The following GPR19 variants were observed in gnomAD, a reference collection of about 807,000 sequenced individuals.
The protein encoded by GPR19 is G protein-coupled receptor 19.
In GPR19, 14 loss-of-function variants were observed where a neutral mutation model predicts 28.5. The observed-to-expected ratio is 0.49, with a 90% CI of 0.32 to 0.77. The LOEUF is 0.77. Ranked by LOEUF, GPR19 falls within the 30% of genes least tolerant of loss-of-function variation. GPR19 has a pLI of 0.03. For synonymous variants in GPR19, 173 were observed against 184.1 expected, an observed-to-expected ratio of 0.94 and a Z score of 0.49; for missense variants, 409 against 504.1, an observed-to-expected ratio of 0.81 and a Z score of 1.81.
At chr12:12,682,066 T>G (rs1946030944) in intron 3 of GPR19, among the ~76,000 whole-genome samples, 1 of 151,932 alleles carries the variant, frequency 6.6e-6, no homozygotes, top group African/African-American at 2.4e-5. Context: ...GAGGCAGGAG[T>G]TGACTTCTCA....
chr12:12,674,857 G>A (rs1343455015), intron 3 of GPR19, among the ~76,000 whole-genome samples: 2 of 152,224 alleles, frequency 1.3e-5, no homozygotes, highest in East Asian at 3.8e-4. Flanking sequence ...TAGAGGGGTA[G>A]AGAGTAGTAA....
the GPR19 span, among the ~76,000 whole-genome samples, chr12:12,707,656 T>C: frequency 2.0e-5 from 3 of 152,204 alleles, no homozygotes; most frequent in African/African-American, 4.8e-5. Flanking sequence ...ATGTAAAAAA[T>C]AGAATGTAGT....
intron 3 of GPR19, among the ~76,000 whole-genome samples, chr12:12,678,073 CAAAAAAAAAA>C (rs56014911): frequency 1.3e-4 from 6 of 46,136 alleles, no homozygotes; most frequent in African/African-American, 2.9e-4. Flanking sequence ...GACTCTGTCT[CAAAAAAAAAA>C]AAAAAAAAAA....
chr12:12,665,664 C>T (rs889649450), intron 3 of GPR19, among the ~76,000 whole-genome samples: 1 of 151,848 alleles, frequency 6.6e-6, no homozygotes, highest in African/African-American at 2.4e-5. Context: ...CAGTGAAACT[C>T]CGTCCAACTA....
intron 2 of GPR19, among the ~76,000 whole-genome samples, chr12:12,687,860 AG>A (rs1400650868): frequency 1.3e-5 from 2 of 152,214 alleles, no homozygotes; most frequent in Non-Finnish European, 2.9e-5. Context: ...CAGAAGGCTG[AG>A]GTGGGAGAAT....
chr12:12,710,873 ATTCT>A, the GPR19 span, among the ~76,000 whole-genome samples: 1 of 152,118 alleles, frequency 6.6e-6, no homozygotes, highest in East Asian at 1.9e-4. Context: ...ATACCTTTTC[ATTCT>A]TTCTTTTCCC....
chr12:12,692,385 TTGTC>T (rs377569108), intron 2 of GPR19, among the ~76,000 whole-genome samples: 3 of 21,118 alleles, frequency 1.4e-4, no homozygotes, highest in Non-Finnish European at 1.2e-3. Context: ...CTGGCTTCTC[TTGTC>T]TTTTTTTTTG....
the GPR19 span, chr12:12,703,314 C>T: frequency 3.4e-6 from 3 of 891,510 alleles, no homozygotes; most frequent in Non-Finnish European, 4.0e-6. Context: ...TGGGTAAGGT[C>T]TATTGATTGT....
chr12:12,712,525 C>T, the GPR19 span, among the ~76,000 whole-genome samples: 3 of 152,218 alleles, frequency 2.0e-5, no homozygotes, highest in Non-Finnish European at 4.4e-5. Context: ...CCCCACTTAC[C>T]ACCCCTACCA....
the GPR19 span, among the ~76,000 whole-genome samples, chr12:12,705,150 C>G: frequency 3.6e-5 from 5 of 139,762 alleles, no homozygotes; most frequent in East Asian, 2.1e-4. Flanking sequence ...GTCTTGCTCT[C>G]TAACCCAGGC....
chr12:12,698,669 G>GGCTT (rs1946295433), upstream of GPR19, among the ~76,000 whole-genome samples: 1 of 151,230 alleles, frequency 6.6e-6, no homozygotes, highest in African/African-American at 2.4e-5. Flanking sequence ...AGAGTGCCAT[G>GGCTT]GCTTGATCTC....
At chr12:12,690,480 C>T (rs1465094732) in intron 2 of GPR19, among the ~76,000 whole-genome samples, 1 of 152,130 alleles carries the variant, frequency 6.6e-6, no homozygotes, top group African/African-American at 2.4e-5. Flanking sequence ...AGACAAGGGT[C>T]CTGAAAGTGG....
chr12:12,667,484 A>G (rs1487430868), intron 3 of GPR19, among the ~76,000 whole-genome samples: 1 of 152,104 alleles, frequency 6.6e-6, no homozygotes, highest in Non-Finnish European at 1.5e-5. Context: ...TGAGGTCAGG[A>G]GTTCAAGACC....
chr12:12,681,168 G>T (rs1354619295), intron 3 of GPR19, among the ~76,000 whole-genome samples: 1 of 152,102 alleles, frequency 6.6e-6, no homozygotes, highest in African/African-American at 2.4e-5. Flanking sequence ...TTGGCTGATG[G>T]AGAAGAAACT....
upstream of GPR19, among the ~76,000 whole-genome samples, chr12:12,697,119 C>T (rs1402952332): frequency 1.8e-5 from 2 of 112,738 alleles, no homozygotes; most frequent in African/African-American, 6.5e-5. Flanking sequence ...TCAAGCAAAA[C>T]CTACATGATT....
chr12:12,674,687 CTT>C (rs1945905738), intron 3 of GPR19, among the ~76,000 whole-genome samples: 1 of 152,112 alleles, frequency 6.6e-6, no homozygotes, highest in Non-Finnish European at 1.5e-5. Context: ...GGAAAAATCT[CTT>C]TTGAAAACCT....
chr12:12,709,046 TA>T, the GPR19 span, among the ~76,000 whole-genome samples: 90,610 of 141,460 alleles, frequency 0.64, 30,127 homozygotes, highest in East Asian at 0.94. Flanking sequence ...AGACTCCGTC[TA>T]AAAAAAAAAA....
chr12:12,710,951 TC>T, the GPR19 span, among the ~76,000 whole-genome samples: 8 of 152,206 alleles, frequency 5.3e-5, no homozygotes, highest in Non-Finnish European at 1.2e-4. Context: ...TTCTTCACCT[TC>T]CCTATTCCCT....
At chr12:12,694,374 AT>A (rs1212731139) in intron 2 of GPR19, among the ~76,000 whole-genome samples, 324 of 126,750 alleles carry the variant, frequency 2.6e-3, no homozygotes, top group Non-Finnish European at 2.6e-3. Context: ...AATTTTTTGT[AT>A]TTTTTTTTTT....
Sources: allele counts gnomAD v4.1 joint callset (sites outside exome capture counted in the v4.1 genomes callset), GRCh38; gene constraint gnomAD v4.1.1; transcripts MANE v1.5; gene names NCBI Gene and HGNC (gene_info 2026-07-23, HGNC 2026-07-21).